Variants in PLD1 observed in about 807,000 individuals in gnomAD.
The protein encoded by PLD1 is choline phosphatase 1.
A neutral mutation model predicts 137.1 loss-of-function variants in PLD1; 112 were observed. The ratio of observed to expected loss-of-function variants is 0.82; its 90% CI spans 0.70 to 0.96. The LOEUF (loss-of-function observed/expected upper bound fraction) is 0.96. Among genes scored for constraint, PLD1 ranks in the 40% least tolerant of loss-of-function variants. The probability of loss-of-function intolerance (pLI) is 0.00; values close to 1 mark genes in which losing one functional copy is unlikely to be tolerated. For missense variants in PLD1, 1,321 were observed against 1,342.0 expected (o/e 0.98, Z 0.24); for synonymous variants, 431 against 454.7 (o/e 0.95, Z 0.66).
chr3:171,781,675 C>T (rs899319695), intron 1 of PLD1, among the ~76,000 whole-genome samples: 11 of 152,056 alleles, frequency 7.2e-5, no homozygotes, highest in Admixed American at 1.3e-4. Context: ...TTAAGAAAAA[C>T]GCAATGAGGT....
intron 21 of PLD1, among the ~76,000 whole-genome samples, chr3:171,646,814 A>C (rs1309263586): frequency 1.3e-5 from 2 of 152,186 alleles, no homozygotes; most frequent in African/African-American, 4.8e-5. Context: ...ATTCAGGATT[A>C]TACTGCCTTA....
At chr3:171,780,673 G>C (rs376522781) in intron 1 of PLD1, among the ~76,000 whole-genome samples, 29 of 152,164 alleles carry the variant, frequency 1.9e-4, no homozygotes, top group Admixed American at 1.4e-3. Flanking sequence ...TGAAGAAAGA[G>C]GAAGATTGAG....
intron 21 of PLD1, among the ~76,000 whole-genome samples, chr3:171,658,946 A>C (rs191192962): frequency 6.6e-6 from 1 of 152,350 alleles, no homozygotes; most frequent in Admixed American, 6.5e-5. Context: ...TCTGCTATTA[A>C]ATAAAACAAA....
chr3:171,696,289 T>C (rs1470912970), intron 12 of PLD1, among the ~76,000 whole-genome samples: 2 of 152,234 alleles, frequency 1.3e-5, no homozygotes, highest in Non-Finnish European at 2.9e-5. Context: ...TGGAAAGCCC[T>C]GAGATGCTGA....
chr3:171,756,183 C>G (rs1721012888), intron 1 of PLD1, among the ~76,000 whole-genome samples: 1 of 152,204 alleles, frequency 6.6e-6, no homozygotes, highest in African/African-American at 2.4e-5. Flanking sequence ...GGCATTTAGA[C>G]TTTACCTTTC....
chr3:171,654,178 C>A lies in PLD1; in HGVS notation c.2429+5035G>T, dbSNP rs570600814. 4.2e-5 allele frequency: 14 copies of A among 336,652 alleles called. No individual in the cohort carries two copies. The East Asian group carries it at 1.5e-3, about 37-fold the overall frequency. The allele number at this position is 336,652 out of a possible 1,614,324, so 20.9% of individuals were successfully genotyped here. A position where few individuals can be genotyped will look rare whatever the true frequency, so the allele number is the denominator to read the frequency against. On this transcript the variant is annotated intron_variant, in intron 21 of 26. Coordinates refer to ENST00000351298, the MANE Select transcript of PLD1 (RefSeq NM_002662.5). ...ATTAGCTGAGTGTGGTGGCGGGTGC[C>A]TGTAATCCCAGATACTCGGGAGGCT... is the stretch of plus-strand genomic sequence containing the variant.
intron 8 of PLD1, 146 bp downstream of exon 8, chr3:171,724,550 T>A: frequency 1.7e-6 from 1 of 597,132 alleles, no homozygotes; most frequent in Middle Eastern, 4.4e-4. Context: ...TTTAAATGGA[T>A]GCTGGAATTT....
chr3:171,792,893 C>A (rs1578477728), intron 1 of PLD1: 1 of 331,020 alleles, frequency 3.0e-6, no homozygotes, highest in African/African-American at 2.2e-5. Flanking sequence ...CTTTGGCCCA[C>A]GGTCATCAAC....
rs566836933 is a variant in PLD1, at chr3:171,766,737, CT to C, written c.-31-28656del. ...AAAATTTAAATCTATTGACTTTTTC[CT>C]TTTGTGATTTCCTCTATTGATTTTG... On this transcript the variant is annotated intron_variant, in intron 1 of 26. Transcript: ENST00000351298. Among the ~76,000 whole-genome samples, 245 of 152,180 alleles carry C rather than the reference CT, an allele frequency of 1.6e-3. 3 individuals carry two copies. The highest frequency in any genetic ancestry group is 5.7e-3 in the African/African-American group (235 of 41,538).
chr3:171,663,856 T>C (rs1056425071), intron 19 of PLD1, among the ~76,000 whole-genome samples: 1 of 152,190 alleles, frequency 6.6e-6, no homozygotes, highest in Non-Finnish European at 1.5e-5. Context: ...CCCATACTCA[T>C]TAGGAATATA....
At chr3:171,728,429 GA>G (rs1303020213) in intron 6 of PLD1, among the ~76,000 whole-genome samples, 2 of 152,124 alleles carry the variant, frequency 1.3e-5, no homozygotes, top group African/African-American at 4.8e-5. Flanking sequence ...TTCTTAATTG[GA>G]AAAGGTAATC....
chr3:171,766,801 T>C (rs1722006035), intron 1 of PLD1, among the ~76,000 whole-genome samples: 1 of 152,218 alleles, frequency 6.6e-6, no homozygotes, highest in Admixed American at 6.5e-5. Flanking sequence ...GATCAGAATT[T>C]TTATTTTTTC....
At chr3:171,681,782 G>A (rs1394344340) in intron 16 of PLD1, among the ~76,000 whole-genome samples, 1 of 152,034 alleles carries the variant, frequency 6.6e-6, no homozygotes, top group Non-Finnish European at 1.5e-5. Flanking sequence ...CTATTTAACA[G>A]CACTAGATGA....
At chr3:171,671,367 A>G (rs969488380) in intron 19 of PLD1, among the ~76,000 whole-genome samples, 2 of 152,142 alleles carry the variant, frequency 1.3e-5, no homozygotes, top group Non-Finnish European at 2.9e-5. Context: ...GGTTCTTTGG[A>G]GACTTTGTGA....
At chr3:171,734,534 A>G (rs1719200797) in intron 5 of PLD1, among the ~76,000 whole-genome samples, 1 of 152,214 alleles carries the variant, frequency 6.6e-6, no homozygotes, top group African/African-American at 2.4e-5. Flanking sequence ...TGTATGGAAA[A>G]TATTATTTTA....
At chr3:171,639,646 TATATAATATATATTC>T (rs1163213460) in intron 23 of PLD1, among the ~76,000 whole-genome samples, 3 of 114,680 alleles carry the variant, frequency 2.6e-5, no homozygotes, top group East Asian at 2.2e-4. Flanking sequence ...ATATATATTA[TATATAATATATATTC>T]ATATAATATA....
chr3:171,778,546 G>A (rs1351036934), intron 1 of PLD1, among the ~76,000 whole-genome samples: 1 of 152,226 alleles, frequency 6.6e-6, no homozygotes, highest in Non-Finnish European at 1.5e-5. Context: ...TCTCTGGGGA[G>A]ATGACACTTG....
In PLD1 at chr3:171,762,134, C is replaced by T. The variant is rs114623332; in HGVS notation, c.-31-24052G>A. Among the ~76,000 whole-genome samples the T allele has an allele frequency of 2.3e-3, 357 of 152,292 alleles. 1 individual carries two copies. Among genetic ancestry groups the T allele is most frequent in the African/African-American group, 8.0e-3 (334 of 41,552 alleles). On this transcript the variant is annotated intron_variant, in intron 1 of 26. Coordinates refer to ENST00000351298, the MANE Select transcript of PLD1 (RefSeq NM_002662.5). ...TCAACCTTGTCCAACAGACGAGCAC[C>T]TTACTTACATCAGGATATTAGCAGA...
Position 171,602,534 on chromosome 3 carries a change from C to T in PLD1, c.*544G>A, listed in dbSNP as rs1731902052. ...ACTGAAAAGGAATAATGACTATATC[C>T]TCATTTGGGTGAATGTTACTACTTC... On this transcript the variant is annotated 3_prime_UTR_variant, in exon 27 of 27. Transcript: ENST00000351298. The T allele has an allele frequency of 6.2e-6, 1 of 161,866 alleles. No individual in the cohort carries two copies. 10.0% of individuals were successfully genotyped at this position (161,866 alleles called of 1,614,324 possible).
Sources: gnomAD v4.1 joint callset for allele counts (sites outside exome capture counted in the v4.1 genomes callset) on GRCh38, gnomAD v4.1.1 for gene constraint, MANE v1.5 for transcripts, NCBI Gene and HGNC (gene_info 2026-07-23, HGNC 2026-07-21) for gene names.